SSTR1: variants seen among roughly 807,000 people sequenced by gnomAD.
SSTR1 encodes the protein somatostatin receptor 1, also known as somatostatin receptor type 1.
In SSTR1, 10 loss-of-function variants were observed where a neutral mutation model predicts 20.7. The ratio of observed to expected loss-of-function variants is 0.48; its 90% CI spans 0.30 to 0.82. The LOEUF is 0.82. SSTR1 is among the 40% of genes least tolerant of loss of function. The pLI is 0.07. For synonymous variants in SSTR1, 267 were observed against 227.8 expected (o/e 1.17, Z -1.55); for missense variants, 494 against 540.0 (o/e 0.91, Z 0.84).
rs964244874 is a variant in SSTR1 at position 38,209,264 on chromosome 14, T to C, written c.-126T>C. 41 of 1,214,670 alleles carry C rather than the reference T, an allele frequency of 3.4e-5. No individual in the cohort carries two copies. The highest frequency in any genetic ancestry group is 4.0e-5 in the Non-Finnish European group (38 of 940,290). 75.2% of individuals were successfully genotyped at this position (1,214,670 alleles called of 1,614,324 possible). On this transcript the variant is annotated 5_prime_UTR_variant, in exon 3 of 3. Transcript: ENST00000267377. ...CGCGCTCCCCGCAGCGGTTGCGCTC[T>C]ACCCGGAGGCGCTGGGCGGCTGTGG...
chr14:38,210,300 TGA>T lies in SSTR1; in HGVS notation c.913_914del (p.Gln306AlafsTer46), dbSNP rs1883301328. 1 of 1,614,094 alleles carries T rather than the reference TGA, an allele frequency of 6.2e-7. No homozygotes were observed. The highest frequency in any genetic ancestry group is 8.5e-7 in the Non-Finnish European group (1 of 1,180,030). The stretch of plus-strand genomic sequence containing the variant: ...TTTGCTGAGCAGGACGACGCCACGG[TGA>T]GTCAGCTGTCGGTCATCCTCGGCTA... On this transcript the variant is annotated frameshift_variant, in exon 3 of 3. Coordinates refer to ENST00000267377, the MANE Select transcript of SSTR1 (RefSeq NM_001049.3). LOFTEE classifies it high-confidence loss of function.
chr14:38,208,172 A>G, intron 1 of SSTR1, 68 bp downstream of exon 1: 1 of 152,316 alleles, frequency 6.6e-6, no homozygotes, highest in Non-Finnish European at 1.5e-5. Flanking sequence ...TCCCGAGTGA[A>G]CACCTAGGTG....
rs1332344313 is a variant in SSTR1, at chr14:38,211,876, C to A, written c.*1311C>A. Reference sequence around the variant, plus strand: ...GCTTTCCTTTTCTCTGCTTGCCTAGCCCCAGGTCTTTTCTTTGGGACCCTG... The same window carrying A: ...GCTTTCCTTTTCTCTGCTTGCCTAGACCCAGGTCTTTTCTTTGGGACCCTG... On this transcript the variant is annotated 3_prime_UTR_variant, in exon 3 of 3. Transcript: ENST00000267377. 1.2e-5 allele frequency: 2 copies of A among 167,170 alleles called. No homozygotes were observed. The highest frequency in any genetic ancestry group is 3.9e-4 in the East Asian group (2 of 5,168). The allele number at this position is 167,170 out of a possible 1,614,324, so 10.4% of individuals were successfully genotyped here.
chr14:38,211,882 G>C lies in SSTR1; in HGVS notation c.*1317G>C, dbSNP rs936285742. 1 of 167,062 alleles carries C rather than the reference G, an allele frequency of 6.0e-6. No homozygotes were observed. Among genetic ancestry groups the C allele is most frequent in the Admixed American group, 6.5e-5 (1 of 15,292 alleles). The allele number at this position is 167,062 out of a possible 1,614,324, so 10.3% of individuals were successfully genotyped here. A position where few individuals can be genotyped will look rare whatever the true frequency, so the allele number is the denominator to read the frequency against. On this transcript the variant is annotated 3_prime_UTR_variant, in exon 3 of 3. Coordinates refer to ENST00000267377, the MANE Select transcript of SSTR1 (RefSeq NM_001049.3). ...CTTTTCTCTGCTTGCCTAGCCCCAGGTCTTTTCTTTGGGACCCTGGGGGCG... is the reference window on the plus strand; with the variant it reads ...CTTTTCTCTGCTTGCCTAGCCCCAGCTCTTTTCTTTGGGACCCTGGGGGCG...
Position 38,209,736 on chromosome 14 carries a change from C to T in SSTR1, c.347C>T (p.Thr116Ile). ...LLMLSVPFLV[T>I]STLLRHWPFG... is the part of the protein sequence containing the mutation. ...ATGCTCAGCGTGCCCTTCCTAGTCA[C>T]CTCCACGTTGTTGCGCCACTGGCCC... The change falls in exon 3 of 3, where the codon ACC becomes ATC. Residue 116 changes from threonine (T) to isoleucine (I), a missense_variant. By Grantham distance (89) the Thr-to-Ile change is moderately conservative. Around this residue, in one of 3 missense-constraint regions of SSTR1, gnomAD observed 116 missense variants for 174.6 expected, o/e 0.66. Transcript: ENST00000267377. 3 of 1,614,090 alleles carry T rather than the reference C, an allele frequency of 1.9e-6. No individual in the cohort carries two copies. Among genetic ancestry groups the T allele is most frequent in the Non-Finnish European group, 2.5e-6 (3 of 1,180,040 alleles).
chr14:38,212,027 G>T lies in SSTR1; in HGVS notation c.*1462G>T, dbSNP rs543995081. 1.7e-3 allele frequency: 285 copies of T among 166,892 alleles called. 2 individuals are homozygous for T. Among genetic ancestry groups the T allele is most frequent in the Non-Finnish European group, 1.2e-3 (84 of 68,108 alleles). The allele number at this position is 166,892 out of a possible 1,614,324, so 10.3% of individuals were successfully genotyped here. A position where few individuals can be genotyped will look rare whatever the true frequency, so the allele number is the denominator to read the frequency against. On this transcript the variant is annotated 3_prime_UTR_variant, in exon 3 of 3. Transcript: ENST00000267377. ...CTCTAGCTTTTCTATTTTTGATTGT[G>T]TTGAGTGAAGTTTGGAGATTTTTCA...
In SSTR1 at chr14:38,209,935, G is replaced by A; in HGVS notation, c.546G>A (p.Trp182Ter). 6.2e-7 allele frequency: 1 copy of A among 1,613,940 alleles called. No individual in the cohort carries two copies. Among genetic ancestry groups the A allele is most frequent in the Non-Finnish European group, 8.5e-7 (1 of 1,180,034 alleles). ...CCAAGGTAGTAAACCTGGGCGTGTGGGTGCTATCGCTGCTCGTCATCCTGC... is the reference window on the plus strand; with the variant it reads ...CCAAGGTAGTAAACCTGGGCGTGTGAGTGCTATCGCTGCTCGTCATCCTGC... ...TVAKVVNLGV[W>*]VLSLLVILPI... The change falls in exon 3 of 3, where the codon TGG (tryptophan) becomes TGA (stop). Residue 182 changes from tryptophan to a stop codon, truncating the protein, a stop_gained. Coordinates refer to ENST00000267377, the MANE Select transcript of SSTR1 (RefSeq NM_001049.3). LOFTEE classifies it high-confidence loss of function.
In SSTR1 at chr14:38,210,594, G is replaced by A. The variant is rs771195264; in HGVS notation, c.*29G>A. The A allele has an allele frequency of 2.0e-6, 3 of 1,536,966 alleles. No homozygotes were observed. The highest frequency in any genetic ancestry group is 1.3e-5 in the South Asian group (1 of 77,732). On this transcript the variant is annotated 3_prime_UTR_variant, in exon 3 of 3. Transcript: ENST00000267377. Reference sequence around the variant, plus strand: ...CGGGCCACGCAGGGGCTCTGAGCCCGGGCCACGCAGGGGCCCTGAGCCAAA... The same window carrying A: ...CGGGCCACGCAGGGGCTCTGAGCCCAGGCCACGCAGGGGCCCTGAGCCAAA...
Position 38,212,166 on chromosome 14 carries a change from G to A in SSTR1, c.*1601G>A, listed in dbSNP as rs757728329. 1.8e-5 allele frequency: 3 copies of A among 166,898 alleles called. No homozygotes were observed. The highest frequency in any genetic ancestry group is 4.4e-5 in the Non-Finnish European group (3 of 68,108). 10.3% of individuals were successfully genotyped at this position (166,898 alleles called of 1,614,324 possible). A position where few individuals can be genotyped will look rare whatever the true frequency, so the allele number is the denominator to read the frequency against. On this transcript the variant is annotated 3_prime_UTR_variant, in exon 3 of 3. Transcript: ENST00000267377. ...AAGTCCTGAACTCCTGGCTTTCCAG[G>A]AGACATATATAGGGGAACATCACCC...
rs982523213 is a variant in SSTR1, at chr14:38,210,043, C to G, written c.654C>G (p.Arg218=). The G allele has an allele frequency of 9.9e-6, 16 of 1,614,128 alleles. No individual in the cohort carries two copies. Among genetic ancestry groups the G allele is most frequent in the Admixed American group, 5.0e-5 (3 of 60,018 alleles). The change falls in exon 3 of 3, where the codon CGC becomes CGG. Residue 218 remains arginine (R), a synonymous_variant. Coordinates refer to ENST00000267377, the MANE Select transcript of SSTR1 (RefSeq NM_001049.3). ...TGCTCATGCCAGAGCCCGCTCAACG[C>G]TGGCTGGTGGGCTTCGTGTTGTACA... ...CNMLMPEPAQ[R]WLVGFVLYTF...
chr14:38,209,664 C>G lies in SSTR1; in HGVS notation c.275C>G (p.Ala92Gly). ...CTGCGCTATGCCAAGATGAAGACGGCCACCAACATCTACATCCTAAATCTG... is the reference window on the plus strand; with the variant it reads ...CTGCGCTATGCCAAGATGAAGACGGGCACCAACATCTACATCCTAAATCTG... ...VILRYAKMKTATNIYILNLAI... is the reference protein window; with the variant it reads ...VILRYAKMKTGTNIYILNLAI... The change falls in exon 3 of 3, where the codon GCC becomes GGC. Residue 92 changes from alanine (A) to glycine (G), a missense_variant. Coordinates refer to ENST00000267377, the MANE Select transcript of SSTR1 (RefSeq NM_001049.3). The G allele has an allele frequency of 6.2e-7, 1 of 1,613,994 alleles. No individual in the cohort carries two copies. The highest frequency in any genetic ancestry group is 8.5e-7 in the Non-Finnish European group (1 of 1,180,018).
Position 38,209,913 on chromosome 14 carries a change from A to G in SSTR1, c.524A>G (p.Lys175Arg). The G allele has an allele frequency of 6.2e-7, 1 of 1,613,968 alleles. No homozygotes were observed. The highest frequency in any genetic ancestry group is 8.5e-7 in the Non-Finnish European group (1 of 1,180,034). The change falls in exon 3 of 3, where the codon AAG becomes AGG. Residue 175 changes from lysine (K) to arginine (R), a missense_variant. By Grantham distance (26) the Lys-to-Arg change is conservative. Coordinates refer to ENST00000267377, the MANE Select transcript of SSTR1 (RefSeq NM_001049.3). ...CGCTACCGCCGGCCCACCGTGGCCA[A>G]GGTAGTAAACCTGGGCGTGTGGGTG... ...AARYRRPTVA[K>R]VVNLGVWVLS... is the part of the protein sequence containing the mutation.
At position 38,210,466 on chromosome 14, in the gene SSTR1, G is replaced by A. The variant is rs745463827; in HGVS notation, c.1077G>A (p.Lys359=). 3.7e-6 allele frequency: 6 copies of A among 1,613,996 alleles called. No individual in the cohort carries two copies. The highest frequency in any genetic ancestry group is 3.3e-5 in the South Asian group (3 of 91,088). Reference sequence around the variant, plus strand: ...TTGACTATTACGCCACCGCGCTCAAGAGCCGTGCCTACAGTGTGGAAGACT... The same window carrying A: ...TTGACTATTACGCCACCGCGCTCAAAAGCCGTGCCTACAGTGTGGAAGACT... ...EPVDYYATAL[K]SRAYSVEDFQ... is the part of the protein sequence containing the mutation. Residue 359 remains lysine, a synonymous_variant, in exon 3 of 3, where the codon AAG becomes AAA. Coordinates refer to ENST00000267377, the MANE Select transcript of SSTR1 (RefSeq NM_001049.3).
In SSTR1 at chr14:38,210,781, C is replaced by A. The variant is rs563438733; in HGVS notation, c.*216C>A. On this transcript the variant is annotated 3_prime_UTR_variant, in exon 3 of 3. Transcript: ENST00000267377. ...TAGAAGTGAGAGCTTTGCTTATAAA[C>A]TGGGAAGGCTTTCAGGCTACCTTTT... 24 of 1,227,640 alleles carry A rather than the reference C, an allele frequency of 2.0e-5. No individual in the cohort carries two copies. In the South Asian group the frequency reaches 4.0e-4, roughly 20 times the overall value. The allele number at this position is 1,227,640 out of a possible 1,614,324, so 76.0% of individuals were successfully genotyped here.
At position 38,212,708 on chromosome 14, in the gene SSTR1, C is replaced by G. The variant is rs1163140113; in HGVS notation, c.*2143C>G. 1.8e-5 allele frequency: 3 copies of G among 166,992 alleles called. No homozygotes were observed. The highest frequency in any genetic ancestry group is 4.4e-5 in the Non-Finnish European group (3 of 68,128). The allele number at this position is 166,992 out of a possible 1,614,324, so 10.3% of individuals were successfully genotyped here. A position where few individuals can be genotyped will look rare whatever the true frequency, so the allele number is the denominator to read the frequency against. On this transcript the variant is annotated 3_prime_UTR_variant, in exon 3 of 3. Transcript: ENST00000267377. ...ACTAAATCTGGGGTTCTCAGGTTCA[C>G]TCATTGACATGATATACAATGGTTA...
rs1883285947 is a variant in SSTR1 at position 38,209,643 on chromosome 14, G to A, written c.254G>A (p.Arg85His). The change falls in exon 3 of 3, where the codon CGC (arginine) becomes CAC (histidine). Residue 85 changes from arginine to histidine, a missense_variant. Arg to His is a conservative substitution (Grantham distance 29). Coordinates refer to ENST00000267377, the MANE Select transcript of SSTR1 (RefSeq NM_001049.3). ...TCTATGGTCATCTACGTGATCCTGC[G>A]CTATGCCAAGATGAAGACGGCCACC... ...GNSMVIYVIL[R>H]YAKMKTATNI... 1 of 1,614,036 alleles carries A rather than the reference G, an allele frequency of 6.2e-7. No individual in the cohort carries two copies. The highest frequency in any genetic ancestry group is 8.5e-7 in the Non-Finnish European group (1 of 1,180,012).
At position 38,209,232 on chromosome 14, in the gene SSTR1, T is replaced by A; in HGVS notation, c.-158T>A. 4 of 924,910 alleles carry A rather than the reference T, an allele frequency of 4.3e-6. No individual in the cohort carries two copies. The highest frequency in any genetic ancestry group is 5.8e-6 in the Non-Finnish European group (4 of 687,438). 57.3% of individuals were successfully genotyped at this position (924,910 alleles called of 1,614,324 possible). The stretch of plus-strand genomic sequence containing the variant: ...GGGCTGTGCGCCCCGCCGGCGCCGG[T>A]AGGAGCCGCGCTCCCCGCAGCGGTT... On this transcript the variant is annotated 5_prime_UTR_variant, in exon 3 of 3. Coordinates refer to ENST00000267377, the MANE Select transcript of SSTR1 (RefSeq NM_001049.3).
Position 38,209,404 on chromosome 14 carries a change from C to T in SSTR1, c.15C>T (p.Gly5=). 2 of 1,510,912 alleles carry T rather than the reference C, an allele frequency of 1.3e-6. No individual in the cohort carries two copies. The highest frequency in any genetic ancestry group is 1.8e-6 in the Non-Finnish European group (2 of 1,132,118). The allele number at this position is 1,510,912 out of a possible 1,614,324, so 93.6% of individuals were successfully genotyped here. Residue 5 remains glycine, a synonymous_variant, in exon 3 of 3, where the codon GGC becomes GGT. Transcript: ENST00000267377. ...CCTCAGCTGGGATGTTCCCCAATGGCACCGCCTCCTCTCCTTCCTCCTCTC... is the reference window on the plus strand; with the variant it reads ...CCTCAGCTGGGATGTTCCCCAATGGTACCGCCTCCTCTCCTTCCTCCTCTC... The part of the protein sequence containing the change: MFPN[G]TASSPSSSPS...
rs1000372493 is a variant in SSTR1, at chr14:38,211,626, C to T, written c.*1061C>T. Reference sequence around the variant, plus strand: ...TAAAAGTAACAATAGATAAGGTTTCCTGCTCCAGTGTATCTCAAAAGACCG... The same window carrying T: ...TAAAAGTAACAATAGATAAGGTTTCTTGCTCCAGTGTATCTCAAAAGACCG... On this transcript the variant is annotated 3_prime_UTR_variant, in exon 3 of 3. Transcript: ENST00000267377. The T allele has an allele frequency of 5.4e-5, 9 of 167,144 alleles. No individual in the cohort carries two copies. Among genetic ancestry groups the T allele is most frequent in the Admixed American group, 1.3e-4 (2 of 15,288 alleles). 10.4% of individuals were successfully genotyped at this position (167,144 alleles called of 1,614,324 possible). A position where few individuals can be genotyped will look rare whatever the true frequency, so the allele number is the denominator to read the frequency against.
Sources: gnomAD v4.1 joint callset for allele counts on GRCh38, gnomAD v4.1.1 for gene constraint, gnomAD v4.1.1 regional missense constraint, MANE v1.5 for transcripts, NCBI Gene and HGNC (gene_info 2026-07-23, HGNC 2026-07-21) for gene names.